Variants in NSRP1 observed in about 807,000 individuals in gnomAD.
The protein encoded by NSRP1 is coiled-coil domain containing 55.
NSRP1 carries 24 observed loss-of-function variants against 54.7 expected under a neutral mutation model. That is an observed-to-expected ratio of 0.44 (90% CI 0.32 to 0.62). The LOEUF (loss-of-function observed/expected upper bound fraction) is 0.62. Among genes scored for constraint, NSRP1 ranks in the 20% least tolerant of loss-of-function variants. NSRP1 has a pLI of 0.06. For missense variants in NSRP1, 596 were observed against 651.2 expected (o/e 0.92, Z 0.92); for synonymous variants, 210 against 213.8 (o/e 0.98, Z 0.15).
chr17:30,140,520 C>CTTT (rs10608409), intron 2 of NSRP1, among the ~76,000 whole-genome samples: 3 of 50,310 alleles, frequency 6.0e-5, no homozygotes, highest in African/African-American at 7.8e-5. Context: ...TCAGATTTTA[C>CTTT]TTTTTTTTTT....
chr17:30,125,623 C>G (rs1376120180), intron 2 of NSRP1, among the ~76,000 whole-genome samples: 1 of 152,208 alleles, frequency 6.6e-6, no homozygotes, highest in African/African-American at 2.4e-5. Context: ...TCTCGGGTCA[C>G]TGCAGCCTCC....
rs1272180795 is a variant in NSRP1, at chr17:30,185,238, G to A, written c.1241G>A (p.Ser414Asn). ...PSEKGEKEEK[S>N]KAKEEHMKVR... The stretch of plus-strand genomic sequence containing the variant: ...GAGAAAGGAGAGAAGGAAGAGAAAA[G>A]CAAAGCAAAGGAAGAGCATATGAAA... The change falls in exon 7 of 7, where the codon AGC becomes AAC. Residue 414 changes from serine to asparagine, a missense_variant. Ser to Asn is a conservative substitution (Grantham distance 46). Coordinates refer to ENST00000247026, the MANE Select transcript of NSRP1 (RefSeq NM_032141.4). 3 of 1,584,078 alleles carry A rather than the reference G, an allele frequency of 1.9e-6. No homozygotes were observed. The highest frequency in any genetic ancestry group is 2.7e-5 in the African/African-American group (2 of 73,470).
chr17:30,130,443 G>T (rs1037021465), intron 2 of NSRP1, among the ~76,000 whole-genome samples: 3 of 151,978 alleles, frequency 2.0e-5, no homozygotes, highest in Non-Finnish European at 4.4e-5. Context: ...TGAGGTCTTT[G>T]ACTTAATTTC....
intron 3 of NSRP1, among the ~76,000 whole-genome samples, chr17:30,177,133 C>T (rs1483973427): frequency 3.9e-5 from 6 of 152,142 alleles, no homozygotes; most frequent in Admixed American, 2.0e-4. Flanking sequence ...CTTTGGGGGG[C>T]GCTGAGGTGG....
intron 2 of NSRP1, among the ~76,000 whole-genome samples, chr17:30,141,139 T>C (rs1255209259): frequency 6.6e-6 from 1 of 152,244 alleles, no homozygotes; most frequent in Non-Finnish European, 1.5e-5. Context: ...TGATTATTCA[T>C]TGTCCGCTGT....
At chr17:30,171,978 T>TCTCC (rs1555582522) in intron 2 of NSRP1, among the ~76,000 whole-genome samples, 5 of 65,236 alleles carry the variant, frequency 7.7e-5, no homozygotes, top group Admixed American at 1.7e-4. Context: ...ACACACTCCC[T>TCTCC]CTCTCTCTCT....
At position 30,162,511 on chromosome 17, in the gene NSRP1, G is replaced by A. The variant is rs183504472; in HGVS notation, c.115-10031G>A. Among the ~76,000 whole-genome samples, 153 of 152,286 alleles carry A rather than the reference G, an allele frequency of 1.0e-3. 2 individuals carry two copies. The Middle Eastern group carries it at 0.01, about 10-fold the overall frequency. ...CTTTTAATAAATGATCTGTTGCTAAGTTTAAAAAAGTAAAAAAGAACAGGA... is the reference window on the plus strand; with the variant it reads ...CTTTTAATAAATGATCTGTTGCTAAATTTAAAAAAGTAAAAAAGAACAGGA... On this transcript the variant is annotated intron_variant, in intron 2 of 6. Coordinates refer to ENST00000247026, the MANE Select transcript of NSRP1 (RefSeq NM_032141.4).
intron 2 of NSRP1, among the ~76,000 whole-genome samples, chr17:30,138,064 A>G (rs766292223): frequency 6.6e-6 from 1 of 152,138 alleles, no homozygotes; most frequent in Non-Finnish European, 1.5e-5. Context: ...CTTTGTGTCT[A>G]TAAATTTGAC....
intron 2 of NSRP1, among the ~76,000 whole-genome samples, chr17:30,142,338 C>T (rs9909654): frequency 0.012 from 1,753 of 151,884 alleles, 37 homozygotes; most frequent in African/African-American, 0.04. Context: ...TTTTTAGAGA[C>T]GGGGCAGGGG....
intron 2 of NSRP1, among the ~76,000 whole-genome samples, chr17:30,134,754 G>A (rs1309748821): frequency 6.6e-6 from 1 of 152,194 alleles, no homozygotes; most frequent in Admixed American, 6.5e-5. Flanking sequence ...GGAATTTCCA[G>A]AGTTTCAGAG....
intron 2 of NSRP1, among the ~76,000 whole-genome samples, chr17:30,167,429 T>C (rs1904773865): frequency 6.6e-6 from 1 of 152,208 alleles, no homozygotes; most frequent in South Asian, 2.1e-4. Flanking sequence ...ACCAACATGA[T>C]GAAACCTTGT....
intron 2 of NSRP1, chr17:30,163,189 T>TTGTGTGTGTGTGTGTGTG (rs35702441): frequency 3.3e-5 from 4 of 121,604 alleles, no homozygotes; most frequent in Admixed American, 8.5e-5. Flanking sequence ...CCGGCTAATT[T>TTGTGTGTGTGTGTGTGTG]TGTGTGTGTG....
intron 2 of NSRP1, among the ~76,000 whole-genome samples, chr17:30,149,858 C>T (rs2071889890): frequency 1.4e-5 from 2 of 145,456 alleles, no homozygotes; most frequent in Admixed American, 1.3e-4. Flanking sequence ...AAAAAAATAC[C>T]AAAAGCTCTG....
rs1026121862 is a variant in NSRP1, at chr17:30,186,422, G to T, written c.*748G>T. The stretch of plus-strand genomic sequence containing the variant: ...AAATGTGAATCATCTTGTCTAAATA[G>T]CTTACAGCATAGTTGGCTTAAATGA... On this transcript the variant is annotated 3_prime_UTR_variant, in exon 7 of 7. Coordinates refer to ENST00000247026, the MANE Select transcript of NSRP1 (RefSeq NM_032141.4). The T allele has an allele frequency of 6.6e-6, 1 of 152,088 alleles. No homozygotes were observed. Among genetic ancestry groups the T allele is most frequent in the Admixed American group, 6.5e-5 (1 of 15,270 alleles). 9.4% of individuals were successfully genotyped at this position (152,088 alleles called of 1,614,324 possible).
At chr17:30,175,056 T>A (rs970581351) in intron 3 of NSRP1, among the ~76,000 whole-genome samples, 1 of 152,254 alleles carries the variant, frequency 6.6e-6, no homozygotes, top group African/African-American at 2.4e-5. Flanking sequence ...TTGTTTCTAC[T>A]TCATTTTCTG....
intron 2 of NSRP1, among the ~76,000 whole-genome samples, chr17:30,142,573 C>G (rs1036707030): frequency 6.6e-6 from 1 of 151,948 alleles, no homozygotes; most frequent in African/African-American, 2.4e-5. Flanking sequence ...CTCAAACGAT[C>G]CTCCCACCTC....
intron 2 of NSRP1, among the ~76,000 whole-genome samples, chr17:30,118,474 A>AT (rs1227921035): frequency 6.6e-6 from 1 of 152,194 alleles, no homozygotes; most frequent in Non-Finnish European, 1.5e-5. Context: ...GATGTCACCA[A>AT]TTTTCTACAA....
intron 2 of NSRP1, among the ~76,000 whole-genome samples, chr17:30,136,733 T>A (rs1005675808): frequency 1.2e-4 from 18 of 152,186 alleles, no homozygotes; most frequent in African/African-American, 3.9e-4. Context: ...AGGCAGAAAG[T>A]TTAAATAACT....
chr17:30,145,525 G>A (rs1415298743), intron 2 of NSRP1, among the ~76,000 whole-genome samples: 1 of 152,162 alleles, frequency 6.6e-6, no homozygotes, highest in Admixed American at 6.5e-5. Flanking sequence ...GGAGGTTGCA[G>A]CGAGCCGAGA....
Sources: gnomAD v4.1 joint callset for allele counts (sites outside exome capture counted in the v4.1 genomes callset) on GRCh38, gnomAD v4.1.1 for gene constraint, MANE v1.5 for transcripts, NCBI Gene and HGNC (gene_info 2026-07-23, HGNC 2026-07-21) for gene names.